The following EYA1 variants were observed in gnomAD, a reference collection of about 807,000 sequenced individuals.
EYA1 encodes the protein EYA transcriptional coactivator and phosphatase 1, also known as protein phosphatase EYA1.
EYA1 carries 16 observed loss-of-function variants against 82.0 expected under a neutral mutation model. The ratio of observed to expected loss-of-function variants is 0.20; its 90% confidence interval spans 0.13 to 0.30. The LOEUF is 0.30. Among genes scored for constraint, EYA1 ranks in the 10% least tolerant of loss-of-function variants. The pLI is 1.00. For missense variants in EYA1, 633 were observed against 730.7 expected (o/e 0.87, Z 1.54); for synonymous variants, 261 against 264.4 (o/e 0.99, Z 0.12).
rs768730008 is a variant in EYA1 at position 71,259,433 on chromosome 8, G to A, written c.1050+10307C>T. On this transcript the variant is annotated intron_variant, in intron 11 of 17. Transcript: ENST00000340726. ...ACTGGCCCCATACCATTTAAGCACA[G>A]TATTCTGGCAAAATGCATAAAAGAA... is the stretch of plus-strand genomic sequence containing the variant. Among the ~76,000 whole-genome samples, 5 of 152,328 alleles carry A rather than the reference G, an allele frequency of 3.3e-5. No individual in the cohort carries two copies. The South Asian group carries it at 1.0e-3, about 32-fold the overall frequency.
At chr8:71,444,780 G>C (rs1485214628) in intron 2 of EYA1, among the ~76,000 whole-genome samples, 1 of 152,204 alleles carries the variant, frequency 6.6e-6, no homozygotes, top group Non-Finnish European at 1.5e-5. Flanking sequence ...CACTGAAGTT[G>C]GATTTGAACT....
intron 2 of EYA1, among the ~76,000 whole-genome samples, chr8:71,524,176 T>C (rs1490470803): frequency 6.6e-6 from 1 of 152,220 alleles, no homozygotes; most frequent in African/African-American, 2.4e-5. Flanking sequence ...ATTTTTCAGA[T>C]ACATAATTTC....
At position 71,303,509 on chromosome 8, in the gene EYA1, C is replaced by A. The variant is rs1265031150; in HGVS notation, c.557-3789G>T. ...AACCCATACAAATATCCCCAGAGTG[C>A]AAAATATAATAACAATACTAGAGGT... is the stretch of plus-strand genomic sequence containing the variant. On this transcript the variant is annotated intron_variant, in intron 7 of 17. Coordinates refer to ENST00000340726, the MANE Select transcript of EYA1 (RefSeq NM_000503.6). Among the ~76,000 whole-genome samples the A allele has an allele frequency of 7.7e-5, 11 of 142,570 alleles. 2 individuals carry two copies. Among genetic ancestry groups the A allele is most frequent in the Admixed American group, 1.4e-4 (2 of 14,342 alleles). 93.5% of individuals were successfully genotyped at this position (142,570 alleles called of 152,430 possible). A position where few individuals can be genotyped will look rare whatever the true frequency, so the allele number is the denominator to read the frequency against.
intron 2 of EYA1, among the ~76,000 whole-genome samples, chr8:71,431,943 C>A (rs965732635): frequency 6.6e-6 from 1 of 152,200 alleles, no homozygotes; most frequent in African/African-American, 2.4e-5. Flanking sequence ...CTGATCTACT[C>A]ATGCATCCTA....
At chr8:71,399,110 T>C (rs1829803596) in intron 2 of EYA1, among the ~76,000 whole-genome samples, 1 of 152,144 alleles carries the variant, frequency 6.6e-6, no homozygotes, top group Admixed American at 6.5e-5. Context: ...CGGGATATAA[T>C]CTCCTGGTGT....
chr8:71,244,145 A>C (rs1812800264), intron 12 of EYA1, among the ~76,000 whole-genome samples: 1 of 152,204 alleles, frequency 6.6e-6, no homozygotes, highest in African/African-American at 2.4e-5. Context: ...AGTCCTGGCA[A>C]CCCAAACAGC....
chr8:71,514,495 CTG>C (rs1812822269), intron 2 of EYA1, among the ~76,000 whole-genome samples: 1 of 152,064 alleles, frequency 6.6e-6, no homozygotes, highest in Non-Finnish European at 1.5e-5. Context: ...ATACTCAAGA[CTG>C]GGAAGAAAAA....
chr8:71,430,498 G>A (rs1586702089), intron 2 of EYA1, among the ~76,000 whole-genome samples: 1 of 152,174 alleles, frequency 6.6e-6, no homozygotes, highest in East Asian at 1.9e-4. Context: ...TGAGAATCTT[G>A]AAAAAGAGGT....
intron 3 of EYA1, among the ~76,000 whole-genome samples, chr8:71,349,529 C>A (rs1412320908): frequency 6.6e-6 from 1 of 152,190 alleles, no homozygotes; most frequent in Non-Finnish European, 1.5e-5. Context: ...CTTTAAACTT[C>A]ATGTTTAACT....
intron 2 of EYA1, among the ~76,000 whole-genome samples, chr8:71,468,237 C>G (rs73298391): frequency 0.096 from 14,571 of 152,090 alleles, 1,506 homozygotes; most frequent in East Asian, 0.48. Context: ...AAGAATAACC[C>G]CATCAATAGC....
intron 2 of EYA1, among the ~76,000 whole-genome samples, chr8:71,455,877 A>T (rs1027468937): frequency 1.3e-5 from 2 of 152,166 alleles, no homozygotes; most frequent in Non-Finnish European, 2.9e-5. Flanking sequence ...CACCACTCCT[A>T]TTCAACATAG....
intron 2 of EYA1, among the ~76,000 whole-genome samples, chr8:71,398,744 G>A (rs911280983): frequency 6.6e-6 from 1 of 152,256 alleles, no homozygotes; most frequent in Non-Finnish European, 1.5e-5. Flanking sequence ...TTGGGGGTCA[G>A]GGACCCACTT....
intron 2 of EYA1, among the ~76,000 whole-genome samples, chr8:71,439,923 G>T (rs186428354): frequency 2.0e-5 from 3 of 152,198 alleles, no homozygotes; most frequent in African/African-American, 7.2e-5. Flanking sequence ...CTAGACTGCG[G>T]CCTGGCATAT....
In EYA1 at chr8:71,361,856, G is replaced by A; in HGVS notation, c.-264C>T. ...GGCAGGCGCCTGGCCGCTGCCGCAG[G>A]CTCGGGCTGCCGAGCGACTGAGCGA... On this transcript the variant is annotated 5_prime_UTR_variant, in exon 1 of 18. Transcript: ENST00000340726. 1.0e-6 allele frequency: 1 copy of A among 985,426 alleles called. No individual in the cohort carries two copies. The allele number at this position is 985,426 out of a possible 1,614,324, so 61.0% of individuals were successfully genotyped here.
chr8:71,418,376 C>T (rs1013688945), intron 2 of EYA1, among the ~76,000 whole-genome samples: 1 of 152,194 alleles, frequency 6.6e-6, no homozygotes, highest in African/African-American at 2.4e-5. Context: ...CTGCTATTCT[C>T]TCTCCATGGG....
chr8:71,541,568 ATTATT>A (rs1815137297), intron 1 of EYA1, among the ~76,000 whole-genome samples: 1 of 152,198 alleles, frequency 6.6e-6, no homozygotes, highest in Admixed American at 6.5e-5. Flanking sequence ...AAACCTACAA[ATTATT>A]TTAATATAGT....
chr8:71,267,970 A>G (rs1387602517), intron 11 of EYA1, among the ~76,000 whole-genome samples: 1 of 152,354 alleles, frequency 6.6e-6, no homozygotes, highest in East Asian at 1.9e-4. Flanking sequence ...AATTAAACTC[A>G]TGGTATTTGT....
intron 9 of EYA1, among the ~76,000 whole-genome samples, chr8:71,276,066 C>A (rs907616685): frequency 6.6e-6 from 1 of 152,172 alleles, no homozygotes; most frequent in Non-Finnish European, 1.5e-5. Flanking sequence ...GATTTTGCAT[C>A]AGGATATGAA....
intron 2 of EYA1, among the ~76,000 whole-genome samples, chr8:71,533,843 C>A (rs1474772577): frequency 6.6e-6 from 1 of 152,198 alleles, no homozygotes; most frequent in African/African-American, 2.4e-5. Flanking sequence ...ATGAGAAATA[C>A]CCCTTCCTTG....
Sources: gnomAD v4.1 joint callset for allele counts (sites outside exome capture counted in the v4.1 genomes callset) on GRCh38, gnomAD v4.1.1 for gene constraint, MANE v1.5 for transcripts, NCBI Gene and HGNC (gene_info 2026-07-23, HGNC 2026-07-21) for gene names.